CROCC2: variants seen among roughly 807,000 people sequenced by gnomAD.
CROCC2 encodes the protein ciliary rootlet coiled-coil protein 2.
In CROCC2, 163 loss-of-function variants were observed where a neutral mutation model predicts 177.6. The ratio of observed to expected loss-of-function variants is 0.92; its 90% CI spans 0.81 to 1.05. The LOEUF (loss-of-function observed/expected upper bound fraction) is 1.05, where lower values mean the gene tolerates loss of function less well. Ranked by LOEUF, CROCC2 falls within the 50% of genes least tolerant of loss-of-function variation. The pLI, the probability that CROCC2 is intolerant of heterozygous loss-of-function variation, is 0.00. For synonymous variants in CROCC2, 904 were observed against 787.3 expected (o/e 1.15, Z -2.48); for missense variants, 1,929 against 1,797.8 (o/e 1.07, Z -1.32).
intron 5 of CROCC2, among the ~76,000 whole-genome samples, chr2:240,929,248 T>C (rs563861809): frequency 6.6e-6 from 1 of 152,294 alleles, no homozygotes; most frequent in Admixed American, 6.5e-5. Context: ...TTTCTGGTCA[T>C]GGTCCTCTCT....
chr2:240,977,050 A>G (rs369485917), intron 27 of CROCC2, among the ~76,000 whole-genome samples: 10 of 33,832 alleles, frequency 3.0e-4, no homozygotes, highest in Admixed American at 3.2e-4. Context: ...TCCCTGCTCA[A>G]GCTCTGGGGT....
At chr2:240,967,637 G>A (rs2059692043) in intron 26 of CROCC2, 172 bp downstream of exon 26, 1 of 950,872 alleles carries the variant, frequency 1.1e-6, no homozygotes. Flanking sequence ...TCAGCGCTTG[G>A]CATCGGAGTT....
chr2:240,933,325 C>T lies in CROCC2; in HGVS notation c.1446C>T (p.Ser482=), dbSNP rs564702164. The T allele has an allele frequency of 3.1e-4, 480 of 1,527,246 alleles. 1 individual carries two copies. Among genetic ancestry groups the T allele is most frequent in the African/African-American group, 2.3e-3 (170 of 72,854 alleles). The allele number at this position is 1,527,246 out of a possible 1,614,324, so 94.6% of individuals were successfully genotyped here. The change falls in exon 10 of 32, where the codon TCC becomes TCT. Residue 482 remains serine, a synonymous_variant. Coordinates refer to ENST00000690015, the MANE Select transcript of CROCC2 (RefSeq NM_001351305.2). ...TCGAGGTGCAGCAGTGCCGGGCATC[C>T]TGCAAGCTCCTGGGGAGGTAATGGG... ...QRLEVQQCRA[S]CKLLGREKAA... is the part of the protein sequence containing the mutation.
intron 20 of CROCC2, among the ~76,000 whole-genome samples, chr2:240,961,845 A>G (rs1228010159): frequency 2.4e-5 from 2 of 83,104 alleles, no homozygotes; most frequent in African/African-American, 1.0e-4. Context: ...ACATACACTC[A>G]TGACACACAC....
intron 18 of CROCC2, 84 bp downstream of exon 18, chr2:240,950,594 C>A: frequency 7.0e-7 from 1 of 1,429,650 alleles, no homozygotes; most frequent in Non-Finnish European, 9.4e-7. Context: ...CTGCATGTGG[C>A]CACACCTTAG....
rs747481147 is a variant in CROCC2, at chr2:240,949,121, C to T, written c.2482+24C>T. The stretch of plus-strand genomic sequence containing the variant: ...AGGTGCTCCAAGGGCGCTCCCTCAG[C>T]TCCTTCCCCGAAAGTCAGCCATGGA... On this transcript the variant is annotated intron_variant, in intron 16 of 31. Coordinates refer to ENST00000690015, the MANE Select transcript of CROCC2 (RefSeq NM_001351305.2). This position sits in a 1 kb window ranked among gnomAD's most constrained non-coding sequence, Gnocchi z 4.5. 3 of 1,502,924 alleles carry T rather than the reference C, an allele frequency of 2.0e-6. No homozygotes were observed. The South Asian group carries it at 4.0e-5, about 20-fold the overall frequency. 93.1% of individuals were successfully genotyped at this position (1,502,924 alleles called of 1,614,324 possible).
chr2:240,929,731 C>A, intron 5 of CROCC2: 1 of 460,488 alleles, frequency 2.2e-6, no homozygotes, highest in Middle Eastern at 3.6e-4. Flanking sequence ...AAAGGCAGCC[C>A]GTCCTCTTCC....
intron 19 of CROCC2, chr2:240,956,407 G>A: frequency 1.1e-5 from 2 of 175,900 alleles, no homozygotes; most frequent in Non-Finnish European, 2.4e-5. Flanking sequence ...ACCCGAGGCG[G>A]CTGGCCCTGC....
At chr2:240,956,286 T>C (rs1255034514) in intron 19 of CROCC2, 4 of 418,586 alleles carry the variant, frequency 9.6e-6, no homozygotes, top group Non-Finnish European at 1.8e-5. Flanking sequence ...CAGCAGCGAG[T>C]GGCTGAGCCC....
intron 14 of CROCC2, among the ~76,000 whole-genome samples, chr2:240,936,211 T>C (rs2059469312): frequency 1.3e-5 from 2 of 152,150 alleles, no homozygotes; most frequent in African/African-American, 4.8e-5. Flanking sequence ...CTATTGACAT[T>C]TAATAAGTCA....
At position 240,945,352 on chromosome 2, in the gene CROCC2, T is replaced by A. The variant is rs541738644; in HGVS notation, c.2170-708T>A. Among the ~76,000 whole-genome samples, 9 of 152,336 alleles carry A rather than the reference T, an allele frequency of 5.9e-5. No homozygotes were observed. The East Asian group carries it at 1.3e-3, about 23-fold the overall frequency. On this transcript the variant is annotated intron_variant, in intron 14 of 31. Transcript: ENST00000690015. Reference sequence around the variant, plus strand: ...TCTATGAAGGATGGTCTATTTCTGATTCACCGCTAGTACTAGGGTCAAGCC... The same window carrying A: ...TCTATGAAGGATGGTCTATTTCTGAATCACCGCTAGTACTAGGGTCAAGCC...
At chr2:240,928,523 T>C (rs1409581335) in intron 5 of CROCC2, among the ~76,000 whole-genome samples, 1 of 151,856 alleles carries the variant, frequency 6.6e-6, no homozygotes, top group Non-Finnish European at 1.5e-5. Flanking sequence ...GTTCCAGCCG[T>C]TCAGGCCAGC....
At chr2:240,963,449 GCA>G (rs1292569726) in intron 20 of CROCC2, 105 bp from the exon 21 acceptor site, 13 of 1,205,980 alleles carry the variant, frequency 1.1e-5, no homozygotes, top group Non-Finnish European at 1.4e-5. Flanking sequence ...ACCAAGTTGG[GCA>G]GGGCACCTGT....
chr2:240,965,779 G>A lies in CROCC2; in HGVS notation c.3747G>A (p.Gln1249=), dbSNP rs2059678815. Reference sequence around the variant, plus strand: ...TGCACAGTGTCACCAGGAAGCTGCAGGAAGCCAGTGGTGTGGCTGATGCTC... The same window carrying A: ...TGCACAGTGTCACCAGGAAGCTGCAAGAAGCCAGTGGTGTGGCTGATGCTC... ...AELHSVTRKL[Q]EASGVADALQ... Residue 1249 remains glutamine (Q), a synonymous_variant, in exon 24 of 32, where the codon CAG becomes CAA. Transcript: ENST00000690015. The A allele has an allele frequency of 1.3e-6, 2 of 1,490,782 alleles. No individual in the cohort carries two copies. The highest frequency in any genetic ancestry group is 1.4e-5 in the South Asian group (1 of 72,778). 92.3% of individuals were successfully genotyped at this position (1,490,782 alleles called of 1,614,324 possible).
intron 11 of CROCC2, 30 bp downstream of exon 11, chr2:240,933,882 C>T: frequency 6.5e-7 from 1 of 1,533,494 alleles, no homozygotes; most frequent in Non-Finnish European, 8.8e-7. Context: ...TGGGCAGGGC[C>T]CCTCCCACAG....
At chr2:240,967,533 C>T in intron 26 of CROCC2, 68 bp downstream of exon 26, 1 of 1,534,648 alleles carries the variant, frequency 6.5e-7, no homozygotes, top group Non-Finnish European at 8.8e-7. Flanking sequence ...CATGTCCCCA[C>T]TGCTGCCGGC....
In CROCC2 at chr2:240,949,237, G is replaced by A. The variant is rs1278310770; in HGVS notation, c.2482+140G>A. ...ATGAACATGAGCTTGGAGCTCATGC[G>A]ACTGAGCGACTTGGGCCACCCTCGC... On this transcript the variant is annotated intron_variant, in intron 16 of 31. Transcript: ENST00000690015. The surrounding 1 kb of genome is among the most constrained non-coding windows in gnomAD (Gnocchi z 4.5). 6.3e-6 allele frequency: 9 copies of A among 1,419,488 alleles called. No individual in the cohort carries two copies. The East Asian group carries it at 7.5e-5, about 12-fold the overall frequency. 87.9% of individuals were successfully genotyped at this position (1,419,488 alleles called of 1,614,324 possible).
At chr2:240,976,137 T>C (rs900737080) in intron 27 of CROCC2, among the ~76,000 whole-genome samples, 1 of 152,036 alleles carries the variant, frequency 6.6e-6, no homozygotes, top group Non-Finnish European at 1.5e-5. Flanking sequence ...AAGACCGGGC[T>C]CATCCCTGCT....
At position 240,917,808 on chromosome 2, in the gene CROCC2, C is replaced by T. The variant is rs946471144; in HGVS notation, c.79-918C>T. Among the ~76,000 whole-genome samples, 7 of 152,204 alleles carry T rather than the reference C, an allele frequency of 4.6e-5. No homozygotes were observed. The highest frequency in any genetic ancestry group is 2.1e-4 in the South Asian group (1 of 4,832). ...ACAGCTGTGGCCTTGCGTATTCCTGCGGGATCCTGCCTGGGCTTCTGCTGG... is the reference window on the plus strand; with the variant it reads ...ACAGCTGTGGCCTTGCGTATTCCTGTGGGATCCTGCCTGGGCTTCTGCTGG... On this transcript the variant is annotated intron_variant, in intron 1 of 31. Transcript: ENST00000690015. This position sits in a 1 kb window ranked among gnomAD's most constrained non-coding sequence, Gnocchi z 4.9.
Sources: allele counts gnomAD v4.1 joint callset (sites outside exome capture counted in the v4.1 genomes callset), GRCh38; gene constraint gnomAD v4.1.1; non-coding constraint Gnocchi (gnomAD v3.1); transcripts MANE v1.5; gene names NCBI Gene and HGNC (gene_info 2026-07-23, HGNC 2026-07-21).